FSTL5: variants seen among roughly 807,000 people sequenced by gnomAD.
FSTL5 encodes follistatin-related protein 5.
FSTL5 carries 62 observed loss-of-function variants against 89.1 expected under a neutral mutation model. The ratio of observed to expected loss-of-function variants is 0.70; its 90% CI spans 0.57 to 0.86. The LOEUF is 0.86. Ranked by LOEUF, FSTL5 falls within the 40% of genes least tolerant of loss-of-function variation. The probability of loss-of-function intolerance (pLI) is 0.00; values close to 1 mark genes in which losing one functional copy is unlikely to be tolerated. For synonymous variants in FSTL5, 383 were observed against 346.2 expected (o/e 1.11, Z -1.18); for missense variants, 1,057 against 1,001.6 (o/e 1.06, Z -0.75).
intron 7 of FSTL5, among the ~76,000 whole-genome samples, chr4:161,648,535 C>A (rs1309746110): frequency 6.6e-6 from 1 of 152,190 alleles, no homozygotes; most frequent in Admixed American, 6.5e-5. Flanking sequence ...AGACAAACAT[C>A]TCTTCAGCAC....
intron 3 of FSTL5, among the ~76,000 whole-genome samples, chr4:162,026,788 T>C (rs965312704): frequency 6.6e-6 from 1 of 152,138 alleles, no homozygotes; most frequent in African/African-American, 2.4e-5. Flanking sequence ...CCAATGCAGA[T>C]TTCAACAAAT....
At chr4:161,801,829 G>C (rs575618267) in intron 4 of FSTL5, among the ~76,000 whole-genome samples, 1 of 151,622 alleles carries the variant, frequency 6.6e-6, no homozygotes, top group East Asian at 1.9e-4. Flanking sequence ...ATGTGTGAAA[G>C]ACAAATTAAA....
intron 7 of FSTL5, among the ~76,000 whole-genome samples, chr4:161,642,806 T>TG (rs11415451): frequency 0.78 from 118,748 of 151,912 alleles, 46,615 homozygotes; most frequent in East Asian, 0.93. Context: ...GAAGATAGAA[T>TG]GGGCATTTGT....
chr4:161,664,722 C>G (rs1430273821), intron 6 of FSTL5: 1 of 153,540 alleles, frequency 6.5e-6, no homozygotes, highest in Non-Finnish European at 1.4e-5. Context: ...ATGCCCCATT[C>G]TACTGGTACC....
At chr4:161,917,118 A>T (rs983890757) in intron 4 of FSTL5, among the ~76,000 whole-genome samples, 2 of 151,790 alleles carry the variant, frequency 1.3e-5, no homozygotes, top group Admixed American at 1.3e-4. Flanking sequence ...ACACCTGACT[A>T]ATTTTTTTGT....
At chr4:161,798,117 A>G (rs1013664469) in intron 4 of FSTL5, among the ~76,000 whole-genome samples, 2 of 151,704 alleles carry the variant, frequency 1.3e-5, no homozygotes, top group African/African-American at 4.8e-5. Flanking sequence ...TCTATTTCAG[A>G]TGAAAAATTT....
intron 8 of FSTL5, among the ~76,000 whole-genome samples, chr4:161,586,400 G>A (rs1733619184): frequency 6.6e-6 from 1 of 152,070 alleles, no homozygotes; most frequent in Admixed American, 6.6e-5. Flanking sequence ...CTTCAAAGTA[G>A]TAAATGGCAC....
At chr4:161,850,485 T>C (rs1731513547) in intron 4 of FSTL5, among the ~76,000 whole-genome samples, 1 of 151,610 alleles carries the variant, frequency 6.6e-6, no homozygotes, top group African/African-American at 2.4e-5. Flanking sequence ...TGCTTGTGCA[T>C]GTGCAGGTGT....
intron 4 of FSTL5, among the ~76,000 whole-genome samples, chr4:161,779,821 A>ATGTATATATACATATATATATATG (rs1267702879): frequency 4.7e-5 from 3 of 63,360 alleles, no homozygotes; most frequent in Non-Finnish European, 8.2e-5. Flanking sequence ...GTATATATAT[A>ATGTATATATACATATATATATATG]TATATATATA....
intron 4 of FSTL5, among the ~76,000 whole-genome samples, chr4:161,809,208 G>C (rs1162534373): frequency 1.3e-5 from 2 of 152,140 alleles, no homozygotes; most frequent in African/African-American, 2.4e-5. Flanking sequence ...AACACAGCGA[G>C]ACTCCATCTC....
At chr4:161,726,204 CT>C (rs199653158) in intron 6 of FSTL5, among the ~76,000 whole-genome samples, 1 of 138,602 alleles carries the variant, frequency 7.2e-6, no homozygotes, top group African/African-American at 2.6e-5. Context: ...GGATGCAACT[CT>C]TTTTTTTTCT....
At chr4:161,819,687 T>C (rs1579115380) in intron 4 of FSTL5, among the ~76,000 whole-genome samples, 1 of 152,224 alleles carries the variant, frequency 6.6e-6, no homozygotes, top group East Asian at 1.9e-4. Context: ...TCAAAATTCA[T>C]GAATGAAACC....
chr4:161,998,052 A>G (rs1175521514), intron 3 of FSTL5, among the ~76,000 whole-genome samples: 2 of 152,174 alleles, frequency 1.3e-5, no homozygotes, highest in Non-Finnish European at 2.9e-5. Context: ...ATAGAGTTGT[A>G]TGCCTGTAAC....
chr4:161,933,119 C>T (rs966005471), intron 3 of FSTL5, among the ~76,000 whole-genome samples: 2 of 152,088 alleles, frequency 1.3e-5, no homozygotes, highest in Admixed American at 1.3e-4. Flanking sequence ...TTGGCCGACA[C>T]GCATGGCGGG....
At chr4:161,962,257 G>C (rs1735202458) in intron 3 of FSTL5, among the ~76,000 whole-genome samples, 1 of 151,862 alleles carries the variant, frequency 6.6e-6, no homozygotes, top group South Asian at 2.1e-4. Flanking sequence ...ATAAACATTA[G>C]TAAGATTGTC....
At chr4:162,043,673 G>C (rs1738060973) in intron 2 of FSTL5, among the ~76,000 whole-genome samples, 1 of 152,120 alleles carries the variant, frequency 6.6e-6, no homozygotes, top group Non-Finnish European at 1.5e-5. Flanking sequence ...ATTTCATCTA[G>C]AGTAGGACTT....
intron 15 of FSTL5, among the ~76,000 whole-genome samples, chr4:161,416,704 G>T (rs1368454828): frequency 6.6e-6 from 1 of 151,794 alleles, no homozygotes; most frequent in Admixed American, 6.6e-5. Context: ...AATTAGCCGG[G>T]TGTGGTGGCG....
intron 12 of FSTL5, among the ~76,000 whole-genome samples, chr4:161,496,214 T>C (rs1485210155): frequency 1.3e-5 from 2 of 152,168 alleles, no homozygotes; most frequent in African/African-American, 4.8e-5. Context: ...TGGCCTGTCA[T>C]ATGTAAGACA....
intron 2 of FSTL5, among the ~76,000 whole-genome samples, chr4:162,062,847 A>T (rs1249967238): frequency 6.6e-6 from 1 of 151,558 alleles, no homozygotes; most frequent in Non-Finnish European, 1.5e-5. Flanking sequence ...CTCTTCTCAA[A>T]GACATTGCAA....
Sources: gnomAD v4.1 joint callset for allele counts (sites outside exome capture counted in the v4.1 genomes callset) on GRCh38, gnomAD v4.1.1 for gene constraint, MANE v1.5 for transcripts, NCBI Gene and HGNC (gene_info 2026-07-23, HGNC 2026-07-21) for gene names.